TRAPPC12: variants seen among roughly 807,000 people sequenced by gnomAD.
TRAPPC12 encodes trafficking protein particle complex subunit 12.
A neutral mutation model predicts 69.2 loss-of-function variants in TRAPPC12; 61 were observed. The observed-to-expected ratio is 0.88, with a 90% CI of 0.72 to 1.09. TRAPPC12 has a LOEUF of 1.09. Ranked by LOEUF, TRAPPC12 falls within the 50% of genes least tolerant of loss-of-function variation. The pLI, the probability that TRAPPC12 is intolerant of heterozygous loss-of-function variation, is 0.00. For missense variants in TRAPPC12, 1,101 were observed against 1,016.4 expected (o/e 1.08, Z -1.13); for synonymous variants, 469 against 438.9 (o/e 1.07, Z -0.86).
intron 5 of TRAPPC12, among the ~76,000 whole-genome samples, chr2:3,430,913 G>A (rs148637027): frequency 1.2e-4 from 18 of 151,400 alleles, no homozygotes; most frequent in Non-Finnish European, 2.2e-4. Context: ...TGCTGGGACC[G>A]TCCACTGGGT....
chr2:3,427,324 G>A (rs1468289295), intron 5 of TRAPPC12, among the ~76,000 whole-genome samples: 2 of 152,194 alleles, frequency 1.3e-5, no homozygotes, highest in Non-Finnish European at 2.9e-5. Flanking sequence ...GCCGGGGACT[G>A]GAACTGGGAC....
intron 6 of TRAPPC12, chr2:3,457,163 G>T: frequency 2.2e-6 from 1 of 461,336 alleles, no homozygotes. Context: ...CATGGATACA[G>T]CTGGAGGCCA....
At chr2:3,460,491 T>A (rs1665430662) in intron 8 of TRAPPC12, among the ~76,000 whole-genome samples, 155 bp downstream of exon 8, 1 of 152,196 alleles carries the variant, frequency 6.6e-6, no homozygotes, top group African/African-American at 2.4e-5. Context: ...AGTGACACAT[T>A]ATGGGGCTAT....
Position 3,381,055 on chromosome 2 carries a change from C to T in TRAPPC12, c.-5+1179C>T, listed in dbSNP as rs1167714558. On this transcript the variant is annotated intron_variant, in intron 1 of 11. Coordinates refer to ENST00000324266, the MANE Select transcript of TRAPPC12 (RefSeq NM_016030.6). ...CAAAGAAAAGAGTATTGGCAGAAAG[C>T]GCTGTGTGGGTAGCCTGTCACCATC... is the stretch of plus-strand genomic sequence containing the variant. 3.3e-5 allele frequency among the ~76,000 whole-genome samples: 5 copies of T among 152,274 alleles called. No homozygotes were observed. In the South Asian group the frequency reaches 6.2e-4, roughly 19 times the overall value.
At chr2:3,450,461 C>T (rs780158714) in intron 6 of TRAPPC12, among the ~76,000 whole-genome samples, 3 of 152,218 alleles carry the variant, frequency 2.0e-5, no homozygotes, top group African/African-American at 7.2e-5. Flanking sequence ...CAGGTCCGCT[C>T]TGAAGTGCCG....
At chr2:3,426,008 T>G (rs1223296008) in intron 5 of TRAPPC12, among the ~76,000 whole-genome samples, 1 of 152,206 alleles carries the variant, frequency 6.6e-6, no homozygotes, top group Non-Finnish European at 1.5e-5. Flanking sequence ...GCTTTCTTTA[T>G]TCCCCATGCT....
chr2:3,457,093 A>G (rs765030696), intron 6 of TRAPPC12: 3 of 464,318 alleles, frequency 6.5e-6, no homozygotes, highest in South Asian at 3.1e-5. Flanking sequence ...GATGGTGCAC[A>G]TACACTGTGG....
At position 3,414,451 on chromosome 2, in the gene TRAPPC12, T is replaced by TC. The variant is rs1212769510; in HGVS notation, c.1165-7424dup. Among the ~76,000 whole-genome samples, 1 of 151,856 alleles carries TC rather than the reference T, an allele frequency of 6.6e-6. No homozygotes were observed. Among genetic ancestry groups the TC allele is most frequent in the Admixed American group, 6.6e-5 (1 of 15,252 alleles). On this transcript the variant is annotated intron_variant, in intron 3 of 11. Coordinates refer to ENST00000324266, the MANE Select transcript of TRAPPC12 (RefSeq NM_016030.6). This position sits in a 1 kb window ranked among gnomAD's most constrained non-coding sequence, Gnocchi z 4.9. ...TTCAAAGCCCCCCGGGTTCTTGTCCTCCCCCCTGCCGCCACCCTGGGGTCT... is the reference window on the plus strand; with the variant it reads ...TTCAAAGCCCCCCGGGTTCTTGTCCTCCCCCCCTGCCGCCACCCTGGGGTCT...
At chr2:3,464,060 G>A (rs866840514) in intron 8 of TRAPPC12, among the ~76,000 whole-genome samples, 1 of 152,162 alleles carries the variant, frequency 6.6e-6, no homozygotes. Flanking sequence ...CGTCCCAGCT[G>A]CAACCTCAGC....
intron 3 of TRAPPC12, among the ~76,000 whole-genome samples, chr2:3,406,131 TCTC>T (rs150423990): frequency 2.6e-5 from 4 of 152,170 alleles, no homozygotes; most frequent in East Asian, 3.9e-4. Flanking sequence ...GACGCTTCCC[TCTC>T]CTCCTTCCTC....
rs1661470651 is a variant in TRAPPC12, at chr2:3,402,008, A to G, written c.1164+115A>G. On this transcript the variant is annotated intron_variant, in intron 3 of 11. Coordinates refer to ENST00000324266, the MANE Select transcript of TRAPPC12 (RefSeq NM_016030.6). ...ATATTATTCAAAGCTCTTGCACATA[A>G]GTAGAATTTTGTTGGAGTAGATGCC... The G allele has an allele frequency of 6.7e-6, 5 of 748,674 alleles. No individual in the cohort carries two copies. The East Asian group carries it at 1.4e-4, about 21-fold the overall frequency. The allele number at this position is 748,674 out of a possible 1,614,324, so 46.4% of individuals were successfully genotyped here. A position where few individuals can be genotyped will look rare whatever the true frequency, so the allele number is the denominator to read the frequency against.
intron 11 of TRAPPC12, 90 bp downstream of exon 11, chr2:3,479,023 GCT>G (rs772439789): frequency 2.7e-5 from 40 of 1,489,900 alleles, no homozygotes; most frequent in Non-Finnish European, 3.4e-5. Context: ...AGGGGCCTGC[GCT>G]CTCTCTCTCC....
At chr2:3,470,384 G>A (rs1572208681) in intron 9 of TRAPPC12, among the ~76,000 whole-genome samples, 4 of 152,250 alleles carry the variant, frequency 2.6e-5, no homozygotes, top group Admixed American at 6.5e-5. Context: ...TGCGTGGTTC[G>A]CAGCCCCGGC....
At chr2:3,468,573 G>A (rs1665926549) in intron 9 of TRAPPC12, among the ~76,000 whole-genome samples, 1 of 152,174 alleles carries the variant, frequency 6.6e-6, no homozygotes, top group South Asian at 2.1e-4. Context: ...TTGAGGATGG[G>A]TTGTGTTTGT....
intron 3 of TRAPPC12, among the ~76,000 whole-genome samples, chr2:3,415,288 C>T (rs1192705372): frequency 6.6e-6 from 1 of 152,186 alleles, no homozygotes; most frequent in Non-Finnish European, 1.5e-5. Context: ...ATAAAGCAGG[C>T]CTTGTGTTGG....
At chr2:3,405,469 G>A (rs1661681013) in intron 3 of TRAPPC12, among the ~76,000 whole-genome samples, 1 of 152,174 alleles carries the variant, frequency 6.6e-6, no homozygotes, top group Admixed American at 6.5e-5. Context: ...CACACCGTGG[G>A]AATTACGCTT....
rs143332115 is a variant in TRAPPC12 at position 3,404,061 on chromosome 2, G to A, written c.1164+2168G>A. 5.3e-3 allele frequency among the ~76,000 whole-genome samples: 811 copies of A among 152,226 alleles called. 30 individuals carry two copies. Among genetic ancestry groups the A allele is most frequent in the Admixed American group, 0.046 (705 of 15,286 alleles). The stretch of plus-strand genomic sequence containing the variant: ...CTGTGACACTTTAGAAGCTTTCCTG[G>A]GTTCAGTATGGATTGGGGACTGCCT... On this transcript the variant is annotated intron_variant, in intron 3 of 11. Transcript: ENST00000324266.
intron 2 of TRAPPC12, 93 bp downstream of exon 2, chr2:3,388,763 G>T (rs941318221): frequency 4.7e-6 from 6 of 1,274,202 alleles, no homozygotes; most frequent in Non-Finnish European, 6.3e-6. Context: ...GAAGGAGAAG[G>T]CCTTGTTTTC....
chr2:3,453,238 C>T (rs769158904), intron 6 of TRAPPC12, among the ~76,000 whole-genome samples: 52 of 152,212 alleles, frequency 3.4e-4, no homozygotes, highest in Non-Finnish European at 5.9e-4. Flanking sequence ...ACATCGTCCC[C>T]GGTACTTCCC....
Sources: allele counts gnomAD v4.1 joint callset (sites outside exome capture counted in the v4.1 genomes callset), GRCh38; gene constraint gnomAD v4.1.1; non-coding constraint Gnocchi (gnomAD v3.1); transcripts MANE v1.5; gene names NCBI Gene and HGNC (gene_info 2026-07-23, HGNC 2026-07-21).